GHR: variants seen among roughly 807,000 people sequenced by gnomAD.
The protein encoded by GHR is GH receptor.
A neutral mutation model predicts 67.1 loss-of-function variants in GHR; 35 were observed. The observed-to-expected ratio is 0.52, with a 90% confidence interval of 0.40 to 0.69. The LOEUF (loss-of-function observed/expected upper bound fraction) is 0.69, where lower values mean the gene tolerates loss of function less well. Ranked by LOEUF, GHR falls within the 30% of genes least tolerant of loss-of-function variation. The pLI is 0.00. For missense variants in GHR, 792 were observed against 764.6 expected, an observed-to-expected ratio of 1.04 and a Z score of -0.42; for synonymous variants, 272 against 269.1, an observed-to-expected ratio of 1.01 and a Z score of -0.10.
At chr5:42,428,874 CT>C (rs1190223673) in intron 1 of GHR, among the ~76,000 whole-genome samples, 1 of 152,204 alleles carries the variant, frequency 6.6e-6, no homozygotes, top group Non-Finnish European at 1.5e-5. Flanking sequence ...TTTCCCACAT[CT>C]TCCTGTTTTC....
At chr5:42,570,864 G>T (rs1159943516) in intron 2 of GHR, among the ~76,000 whole-genome samples, 2 of 152,276 alleles carry the variant, frequency 1.3e-5, no homozygotes, top group East Asian at 3.9e-4. Flanking sequence ...GGATAAAAGT[G>T]AATTTGAAAG....
At chr5:42,711,558 A>C (rs1217036860) in intron 7 of GHR, among the ~76,000 whole-genome samples, 186 bp downstream of exon 7, 2 of 152,196 alleles carry the variant, frequency 1.3e-5, no homozygotes, top group Admixed American at 1.3e-4. Context: ...AGGAAGATTT[A>C]GTTTCCAAAT....
intron 2 of GHR, among the ~76,000 whole-genome samples, chr5:42,575,331 T>C (rs1274461766): frequency 6.6e-6 from 1 of 152,190 alleles, no homozygotes; most frequent in African/African-American, 2.4e-5. Context: ...ATCCCATTTA[T>C]GAATTGTGTG....
At chr5:42,620,758 G>A (rs1002956226) in intron 2 of GHR, among the ~76,000 whole-genome samples, 1 of 152,134 alleles carries the variant, frequency 6.6e-6, no homozygotes, top group African/African-American at 2.4e-5. Flanking sequence ...GGTGGCTCCA[G>A]CACGCTACCT....
At chr5:42,607,692 T>A (rs1333752130) in intron 2 of GHR, among the ~76,000 whole-genome samples, 1 of 152,100 alleles carries the variant, frequency 6.6e-6, no homozygotes, top group Non-Finnish European at 1.5e-5. Context: ...AGGAACTTGA[T>A]TTGGGATAGA....
chr5:42,579,170 A>AGAT (rs1491382365), intron 2 of GHR, among the ~76,000 whole-genome samples: 5 of 147,846 alleles, frequency 3.4e-5, no homozygotes, highest in African/African-American at 1.3e-4. Flanking sequence ...ATAGATAGAT[A>AGAT]GATAGATAGA....
intron 1 of GHR, among the ~76,000 whole-genome samples, chr5:42,557,536 TATCTC>T (rs1749375729): frequency 6.6e-6 from 1 of 152,204 alleles, no homozygotes; most frequent in South Asian, 2.1e-4. Flanking sequence ...TTAAATAAAT[TATCTC>T]ATCTAATCCT....
At chr5:42,535,477 T>C (rs2112357651) in intron 1 of GHR, among the ~76,000 whole-genome samples, 1 of 152,206 alleles carries the variant, frequency 6.6e-6, no homozygotes, top group South Asian at 2.1e-4. Context: ...AATATTTGGA[T>C]TTATTTCTGG....
chr5:42,656,262 A>G (rs1028267833), intron 3 of GHR, among the ~76,000 whole-genome samples: 1 of 152,228 alleles, frequency 6.6e-6, no homozygotes, highest in Non-Finnish European at 1.5e-5. Flanking sequence ...GCTCAATATT[A>G]GAAAACTTTC....
chr5:42,695,352 G>C (rs1014705448), intron 5 of GHR, among the ~76,000 whole-genome samples: 3 of 152,108 alleles, frequency 2.0e-5, no homozygotes, highest in African/African-American at 7.2e-5. Flanking sequence ...TTTCCTTTAG[G>C]ATATCTTTGA....
At chr5:42,611,767 A>G (rs1000415201) in intron 2 of GHR, among the ~76,000 whole-genome samples, 2 of 152,128 alleles carry the variant, frequency 1.3e-5, no homozygotes, top group African/African-American at 4.8e-5. Context: ...TGATAAAGGG[A>G]ATGTAGTTAC....
At chr5:42,466,712 TTTAAA>T (rs1744748391) in intron 1 of GHR, among the ~76,000 whole-genome samples, 1 of 152,258 alleles carries the variant, frequency 6.6e-6, no homozygotes, top group Non-Finnish European at 1.5e-5. Context: ...TTCTGTTTTC[TTTAAA>T]TTAACTGCTG....
chr5:42,717,631 G>A (rs1275793836), intron 8 of GHR, among the ~76,000 whole-genome samples: 1 of 152,070 alleles, frequency 6.6e-6, no homozygotes, highest in Non-Finnish European at 1.5e-5. Flanking sequence ...GCTCCATGTG[G>A]ATTGACTCTT....
At chr5:42,641,708 A>G (rs567386653) in intron 3 of GHR, among the ~76,000 whole-genome samples, 1 of 152,290 alleles carries the variant, frequency 6.6e-6, no homozygotes, top group African/African-American at 2.4e-5. Flanking sequence ...GGATTAAGTA[A>G]AATTTGTCTT....
chr5:42,504,888 CAA>C (rs1746694365), intron 1 of GHR, among the ~76,000 whole-genome samples: 1 of 152,232 alleles, frequency 6.6e-6, no homozygotes, highest in Non-Finnish European at 1.5e-5. Flanking sequence ...TTCATTATCT[CAA>C]GAGGGGCTTC....
At chr5:42,601,675 T>C (rs1752383964) in intron 2 of GHR, among the ~76,000 whole-genome samples, 2 of 152,246 alleles carry the variant, frequency 1.3e-5, no homozygotes, top group East Asian at 3.9e-4. Flanking sequence ...ACAGGACTAA[T>C]TGCTAAACTA....
At chr5:42,634,138 TC>T (rs1031035895) in intron 3 of GHR, among the ~76,000 whole-genome samples, 110 of 152,270 alleles carry the variant, frequency 7.2e-4, no homozygotes, top group African/African-American at 2.6e-3. Context: ...CTTTTTTTTT[TC>T]ATCTCTAAAA....
intron 2 of GHR, among the ~76,000 whole-genome samples, chr5:42,608,977 CTT>C (rs1752759596): frequency 6.6e-6 from 1 of 151,922 alleles, no homozygotes; most frequent in African/African-American, 2.4e-5. Flanking sequence ...AAAATAAAAA[CTT>C]AATTTGTGAC....
At chr5:42,492,063 T>C (rs1746137899) in intron 1 of GHR, among the ~76,000 whole-genome samples, 1 of 152,194 alleles carries the variant, frequency 6.6e-6, no homozygotes, top group Middle Eastern at 3.2e-3. Flanking sequence ...CATGGACAGA[T>C]AGTTCTGGCT....
Sources: allele counts gnomAD v4.1 joint callset (sites outside exome capture counted in the v4.1 genomes callset), GRCh38; gene constraint gnomAD v4.1.1; transcripts MANE v1.5; gene names NCBI Gene and HGNC (gene_info 2026-07-23, HGNC 2026-07-21).